TMEM108: variants seen among roughly 807,000 people sequenced by gnomAD.
TMEM108 encodes the protein cancer/testis antigen 124.
Under a neutral mutation model 35.1 loss-of-function variants are expected in TMEM108, and 12 were observed. The observed-to-expected ratio is 0.34, with a 90% CI of 0.22 to 0.55. The LOEUF is 0.55. TMEM108 is among the 20% of genes least tolerant of loss of function. TMEM108 has a pLI of 0.89. For missense variants in TMEM108, 680 were observed against 753.3 expected, an observed-to-expected ratio of 0.90 and a Z score of 1.14; for synonymous variants, 287 against 308.6, an observed-to-expected ratio of 0.93 and a Z score of 0.73.
chr3:133,200,220 G>A (rs771516102), intron 2 of TMEM108, among the ~76,000 whole-genome samples: 1 of 152,194 alleles, frequency 6.6e-6, no homozygotes, highest in African/African-American at 2.4e-5. Flanking sequence ...CTTACCAGGT[G>A]AGGCAATGCC....
intron 2 of TMEM108, among the ~76,000 whole-genome samples, chr3:133,112,083 A>G (rs1328081493): frequency 6.6e-6 from 1 of 152,114 alleles, no homozygotes; most frequent in Non-Finnish European, 1.5e-5. Flanking sequence ...TAAAGAAAAC[A>G]GTTCTTTTTC....
At chr3:133,218,470 C>T (rs1441397191) in intron 2 of TMEM108, among the ~76,000 whole-genome samples, 1 of 151,828 alleles carries the variant, frequency 6.6e-6, no homozygotes, top group East Asian at 1.9e-4. Flanking sequence ...GCTTCTTTGT[C>T]TTGTTCCTGA....
At chr3:133,149,685 A>G (rs1216908483) in intron 2 of TMEM108, among the ~76,000 whole-genome samples, 1 of 152,114 alleles carries the variant, frequency 6.6e-6, no homozygotes, top group Non-Finnish European at 1.5e-5. Context: ...TCTTCTTTTT[A>G]AAGGCTGAAT....
intron 2 of TMEM108, among the ~76,000 whole-genome samples, chr3:133,113,253 G>A (rs1384171152): frequency 6.6e-6 from 1 of 152,106 alleles, no homozygotes; most frequent in Non-Finnish European, 1.5e-5. Context: ...GGTTCAGCTG[G>A]GTGTGGTTTT....
chr3:133,395,235 G>T (rs116759284), intron 5 of TMEM108, among the ~76,000 whole-genome samples: 1,714 of 152,300 alleles, frequency 0.011, 36 homozygotes, highest in African/African-American at 0.039. Context: ...CAGAGATGCA[G>T]ATCCATTCAG....
At chr3:133,084,704 G>A (rs1437509274) in intron 2 of TMEM108, among the ~76,000 whole-genome samples, 1 of 152,134 alleles carries the variant, frequency 6.6e-6, no homozygotes, top group Non-Finnish European at 1.5e-5. Flanking sequence ...TATATGCAAA[G>A]GTGAGGAACA....
At chr3:133,385,302 GT>G (rs2073119472) in intron 4 of TMEM108, among the ~76,000 whole-genome samples, 1 of 152,178 alleles carries the variant, frequency 6.6e-6, no homozygotes, top group South Asian at 2.1e-4. Context: ...TCCAGGGAAT[GT>G]CCCCCAGCTG....
chr3:133,389,362 A>C, intron 4 of TMEM108: 1 of 985,496 alleles, frequency 1.0e-6, no homozygotes, highest in Non-Finnish European at 1.2e-6. Context: ...TTTTGCATCA[A>C]TCTAAGGCAG....
intron 3 of TMEM108, among the ~76,000 whole-genome samples, chr3:133,305,397 G>T (rs1211200658): frequency 2.0e-5 from 3 of 150,954 alleles, no homozygotes; most frequent in Non-Finnish European, 4.4e-5. Context: ...ATAGCATTGG[G>T]AGATACACCT....
At chr3:133,152,670 G>A (rs577048409) in intron 2 of TMEM108, among the ~76,000 whole-genome samples, 5 of 152,178 alleles carry the variant, frequency 3.3e-5, no homozygotes, top group Non-Finnish European at 5.9e-5. Context: ...TGGAGAACAT[G>A]CAAACTTGCT....
At chr3:133,102,196 C>T (rs1224763303) in intron 2 of TMEM108, among the ~76,000 whole-genome samples, 2 of 152,198 alleles carry the variant, frequency 1.3e-5, no homozygotes, top group Admixed American at 6.5e-5. Flanking sequence ...TGTAGAGATG[C>T]CTTCAGGCTG....
chr3:133,290,811 G>C (rs1012265712), intron 3 of TMEM108, among the ~76,000 whole-genome samples: 2 of 151,980 alleles, frequency 1.3e-5, no homozygotes, highest in Admixed American at 1.3e-4. Flanking sequence ...TTTTCCAGTG[G>C]AACCTGAACT....
At chr3:133,048,653 C>G (rs890310660) in intron 2 of TMEM108, among the ~76,000 whole-genome samples, 5 of 152,190 alleles carry the variant, frequency 3.3e-5, no homozygotes, top group Admixed American at 2.0e-4. Context: ...GACTTGCTTA[C>G]AAAGTTTCCA....
intron 3 of TMEM108, among the ~76,000 whole-genome samples, chr3:133,232,000 TC>T (rs1393777076): frequency 6.6e-6 from 1 of 152,136 alleles, no homozygotes; most frequent in African/African-American, 2.4e-5. Flanking sequence ...TGTGCCCTTT[TC>T]TTCATTCTGC....
At chr3:133,066,160 A>C (rs994082406) in intron 2 of TMEM108, among the ~76,000 whole-genome samples, 1 of 151,918 alleles carries the variant, frequency 6.6e-6, no homozygotes. Context: ...TCTTTTCTCT[A>C]TAGTAAAGAC....
chr3:133,371,939 G>A (rs1002607367), intron 3 of TMEM108, among the ~76,000 whole-genome samples: 3 of 152,206 alleles, frequency 2.0e-5, no homozygotes, highest in Non-Finnish European at 4.4e-5. Context: ...TCCATTCAGA[G>A]AGGTGAGAGC....
At position 133,209,699 on chromosome 3, in the gene TMEM108, A is replaced by G. The variant is rs540313308; in HGVS notation, c.-46-19567A>G. ...GTGTAGTCTCTCCTCCATTGCCCCC[A>G]CTCAGAATTTGCAGCATCAACTGTT... is the stretch of plus-strand genomic sequence containing the variant. On this transcript the variant is annotated intron_variant, in intron 2 of 5. Coordinates refer to ENST00000321871, the MANE Select transcript of TMEM108 (RefSeq NM_023943.4). Among the ~76,000 whole-genome samples the G allele has an allele frequency of 5.3e-5, 8 of 151,998 alleles. No individual in the cohort carries two copies. In the South Asian group the frequency reaches 1.7e-3, roughly 32 times the overall value.
At chr3:133,096,621 C>T (rs992530528) in intron 2 of TMEM108, among the ~76,000 whole-genome samples, 1 of 152,214 alleles carries the variant, frequency 6.6e-6, no homozygotes. Context: ...CCACCATGCA[C>T]TGTGCCTTTC....
chr3:133,080,716 A>C (rs895116883), intron 2 of TMEM108, among the ~76,000 whole-genome samples: 2 of 152,174 alleles, frequency 1.3e-5, no homozygotes, highest in Non-Finnish European at 2.9e-5. Flanking sequence ...TTAGTGCTAC[A>C]TGCTGATTGT....
Sources: gnomAD v4.1 joint callset for allele counts (sites outside exome capture counted in the v4.1 genomes callset) on GRCh38, gnomAD v4.1.1 for gene constraint, MANE v1.5 for transcripts, NCBI Gene and HGNC (gene_info 2026-07-23, HGNC 2026-07-21) for gene names.